The following KIF6 variants were observed in gnomAD, a reference collection of about 807,000 sequenced individuals.
The protein encoded by KIF6 is kinesin family member 6.
A neutral mutation model predicts 112.7 loss-of-function variants in KIF6; 106 were observed. The observed-to-expected ratio is 0.94, with a 90% CI of 0.80 to 1.11. The LOEUF (loss-of-function observed/expected upper bound fraction) is 1.11. KIF6 is among the 50% of genes least tolerant of loss of function. The pLI is 0.00. For synonymous variants in KIF6, 339 were observed against 339.9 expected (o/e 1.00, Z 0.03); for missense variants, 929 against 964.0 (o/e 0.96, Z 0.48).
chr6:39,674,082 T>C lies in KIF6; in HGVS notation c.252-34325A>G, dbSNP rs550520731. Among the ~76,000 whole-genome samples, 5 of 152,014 alleles carry C rather than the reference T, an allele frequency of 3.3e-5. No individual in the cohort carries two copies. The South Asian group carries it at 6.2e-4, about 19-fold the overall frequency. Reference sequence around the variant, plus strand: ...AAATAAAATTAACCAAGGGGGAAAATAGAATAGGAATAAAAAGAGAAGAAA... The same window carrying C: ...AAATAAAATTAACCAAGGGGGAAAACAGAATAGGAATAAAAAGAGAAGAAA... On this transcript the variant is annotated intron_variant, in intron 3 of 22. Transcript: ENST00000287152.
chr6:39,368,626 C>A (rs11758036), intron 16 of KIF6, among the ~76,000 whole-genome samples: 2 of 152,136 alleles, frequency 1.3e-5, no homozygotes, highest in Non-Finnish European at 2.9e-5. Flanking sequence ...CTTTAATAAC[C>A]GAAATCCATG....
At chr6:39,694,753 A>C (rs1367209275) in intron 3 of KIF6, among the ~76,000 whole-genome samples, 4 of 152,168 alleles carry the variant, frequency 2.6e-5, no homozygotes, top group African/African-American at 9.7e-5. Flanking sequence ...CAAAGCAATC[A>C]AATAATTCAA....
chr6:39,705,162 G>A (rs1392818939), intron 3 of KIF6, among the ~76,000 whole-genome samples: 1 of 152,204 alleles, frequency 6.6e-6, no homozygotes, highest in Non-Finnish European at 1.5e-5. Flanking sequence ...AGGCCTAGGT[G>A]AGTGAATCTC....
At chr6:39,578,330 T>G (rs942645642) in intron 9 of KIF6, among the ~76,000 whole-genome samples, 171 bp from the exon 10 acceptor site, 1 of 52,396 alleles carries the variant, frequency 1.9e-5, no homozygotes, top group Non-Finnish European at 3.1e-5. Flanking sequence ...TAGTTCTAGA[T>G]TTTTTTTTTT....
chr6:39,675,081 G>A (rs886957058), intron 3 of KIF6, among the ~76,000 whole-genome samples: 12 of 151,870 alleles, frequency 7.9e-5, no homozygotes, highest in Non-Finnish European at 1.5e-5. Context: ...TCCTTTTAAT[G>A]CATAAATTTG....
intron 13 of KIF6, among the ~76,000 whole-genome samples, chr6:39,531,159 T>A (rs1421778036): frequency 6.6e-6 from 1 of 152,216 alleles, no homozygotes; most frequent in Non-Finnish European, 1.5e-5. Flanking sequence ...TCAAAAACCC[T>A]TTCAGATAGA....
chr6:39,646,405 G>T (rs1785175845), intron 3 of KIF6, among the ~76,000 whole-genome samples: 1 of 152,002 alleles, frequency 6.6e-6, no homozygotes, highest in South Asian at 2.1e-4. Flanking sequence ...TCCACCCAAA[G>T]AATTCCCTCC....
intron 4 of KIF6, among the ~76,000 whole-genome samples, chr6:39,637,579 A>G (rs1824386): frequency 1.5e-4 from 23 of 151,964 alleles, no homozygotes; most frequent in Admixed American, 2.0e-4. Context: ...CTCTTACTGT[A>G]TCTTGAAATG....
At chr6:39,479,621 T>G (rs377753658) in intron 13 of KIF6, among the ~76,000 whole-genome samples, 4 of 152,148 alleles carry the variant, frequency 2.6e-5, no homozygotes, top group African/African-American at 9.7e-5. Context: ...TTATTTTTTC[T>G]AGTTCTGTAA....
At chr6:39,467,950 T>C (rs1026150177) in intron 13 of KIF6, among the ~76,000 whole-genome samples, 2 of 151,828 alleles carry the variant, frequency 1.3e-5, no homozygotes, top group African/African-American at 4.8e-5. Context: ...AATAAATAAA[T>C]AAATAAAGAA....
chr6:39,478,267 T>A (rs141100506), intron 13 of KIF6, among the ~76,000 whole-genome samples: 4,226 of 152,228 alleles, frequency 0.028, 197 homozygotes, highest in African/African-American at 0.096. Context: ...ATAGCTTAGC[T>A]CCCACTTATG....
At chr6:39,625,946 C>T (rs1344765167) in intron 5 of KIF6, among the ~76,000 whole-genome samples, 1 of 152,088 alleles carries the variant, frequency 6.6e-6, no homozygotes, top group Non-Finnish European at 1.5e-5. Context: ...GATAGGGATA[C>T]AACTGGTTCC....
chr6:39,695,359 G>A (rs72853242), intron 3 of KIF6, among the ~76,000 whole-genome samples: 3,204 of 151,978 alleles, frequency 0.021, 37 homozygotes, highest in Non-Finnish European at 0.034. Context: ...CTATCAACAG[G>A]GCAAACAGAC....
intron 3 of KIF6, among the ~76,000 whole-genome samples, chr6:39,670,603 C>T (rs947912474): frequency 4.6e-5 from 7 of 151,954 alleles, no homozygotes; most frequent in South Asian, 4.2e-4. Flanking sequence ...TTTGCAGACT[C>T]GGGGTGGGTG....
At chr6:39,575,614 C>T (rs1436572117) in intron 10 of KIF6, among the ~76,000 whole-genome samples, 1 of 152,130 alleles carries the variant, frequency 6.6e-6, no homozygotes, top group African/African-American at 2.4e-5. Context: ...GTAAATAAAG[C>T]TAAAGACAGC....
At chr6:39,466,649 C>T (rs1267575844) in intron 13 of KIF6, among the ~76,000 whole-genome samples, 1 of 151,970 alleles carries the variant, frequency 6.6e-6, no homozygotes, top group Non-Finnish European at 1.5e-5. Context: ...ATGAAGCTTC[C>T]ACTCCCCCTA....
intron 3 of KIF6, among the ~76,000 whole-genome samples, chr6:39,652,707 C>A (rs1343763563): frequency 1.3e-5 from 2 of 152,054 alleles, no homozygotes; most frequent in African/African-American, 4.8e-5. Flanking sequence ...TCTAGGCAAT[C>A]TATTCTGAGA....
chr6:39,547,922 A>G (rs1353137374), intron 10 of KIF6, among the ~76,000 whole-genome samples: 2 of 152,216 alleles, frequency 1.3e-5, no homozygotes, highest in East Asian at 3.8e-4. Context: ...ACCTTGATCT[A>G]CAAACCTGAC....
chr6:39,448,316 A>G (rs1476547842), intron 13 of KIF6, among the ~76,000 whole-genome samples: 1 of 152,040 alleles, frequency 6.6e-6, no homozygotes, highest in East Asian at 1.9e-4. Flanking sequence ...CTGGGATTAC[A>G]GGCACCTGCC....
Sources: gnomAD v4.1 joint callset for allele counts (sites outside exome capture counted in the v4.1 genomes callset) on GRCh38, gnomAD v4.1.1 for gene constraint, MANE v1.5 for transcripts, NCBI Gene and HGNC (gene_info 2026-07-23, HGNC 2026-07-21) for gene names.